The following PTPRS variants were observed in gnomAD, a reference collection of about 807,000 sequenced individuals.
PTPRS encodes the protein protein tyrosine phosphatase receptor type S.
Under a neutral mutation model 215.3 loss-of-function variants are expected in PTPRS, and 63 were observed. The observed-to-expected ratio is 0.29, with a 90% CI of 0.24 to 0.36. The LOEUF (loss-of-function observed/expected upper bound fraction) is 0.36. Among genes scored for constraint, PTPRS ranks in the 10% least tolerant of loss-of-function variants. PTPRS has a pLI of 1.00. For missense variants in PTPRS, 2,258 were observed against 2,825.8 expected (o/e 0.80, Z 4.56); for synonymous variants, 1,404 against 1,191.4 (o/e 1.18, Z -3.68).
intron 17 of PTPRS, among the ~76,000 whole-genome samples, chr19:5,224,169 A>G (rs2042263874): frequency 1.3e-5 from 1 of 78,682 alleles, no homozygotes; most frequent in Non-Finnish European, 2.4e-5. Flanking sequence ...ACAGAGCAAG[A>G]CTCCGTCTTA....
chr19:5,336,218 T>C (rs1360220551), intron 1 of PTPRS, among the ~76,000 whole-genome samples: 1 of 145,508 alleles, frequency 6.9e-6, no homozygotes, highest in East Asian at 2.1e-4. Context: ...GGTTTTTTTT[T>C]TTCTTCCCTT....
intron 13 of PTPRS, among the ~76,000 whole-genome samples, chr19:5,233,932 C>A (rs913682636): frequency 2.2e-5 from 2 of 92,638 alleles, no homozygotes; most frequent in Non-Finnish European, 3.8e-5. Flanking sequence ...GGCAACAGGG[C>A]AAGACTCCAT....
chr19:5,290,549 G>A lies in PTPRS; in HGVS notation c.-94-4315C>T, dbSNP rs993210810. Among the ~76,000 whole-genome samples the A allele has an allele frequency of 4.6e-5, 7 of 152,234 alleles. No homozygotes were observed. In the East Asian group the frequency reaches 7.8e-4, roughly 17 times the overall value. On this transcript the variant is annotated intron_variant, in intron 1 of 37. Transcript: ENST00000262963. ...TAAAGGGGTGATTATGACCCAGGCC[G>A]GGCAGCAAACAGGCTGTGTCACCCG...
intron 17 of PTPRS, among the ~76,000 whole-genome samples, chr19:5,224,927 G>T (rs1252587246): frequency 6.6e-6 from 1 of 152,060 alleles, no homozygotes; most frequent in African/African-American, 2.4e-5. Flanking sequence ...GTGGGTGTGG[G>T]GACTGGGATG....
rs1040229475 is a variant in PTPRS, at chr19:5,219,146, C to G, written c.3923+164G>C. 4 of 946,128 alleles carry G rather than the reference C, an allele frequency of 4.2e-6. No homozygotes were observed. The African/African-American group carries it at 6.6e-5, about 16-fold the overall frequency. 58.6% of individuals were successfully genotyped at this position (946,128 alleles called of 1,614,324 possible). A position where few individuals can be genotyped will look rare whatever the true frequency, so the allele number is the denominator to read the frequency against. The stretch of plus-strand genomic sequence containing the variant: ...GCTTTGAGCCCTAGCTCTGCCATTC[C>G]CATGCTGTGTGACCTTGATCAAGTG... On this transcript the variant is annotated intron_variant, in intron 23 of 37. Transcript: ENST00000262963.
chr19:5,238,849 T>G, intron 13 of PTPRS, 70 bp downstream of exon 13: 4 of 1,473,892 alleles, frequency 2.7e-6, no homozygotes, highest in Non-Finnish European at 3.6e-6. Flanking sequence ...TGGGTCCGTC[T>G]GCCGAGGGGC....
intron 9 of PTPRS, among the ~76,000 whole-genome samples, chr19:5,254,334 C>T (rs1460017829): frequency 6.6e-6 from 1 of 152,056 alleles, no homozygotes; most frequent in Non-Finnish European, 1.5e-5. Flanking sequence ...AAGGTGATTC[C>T]AAAGTCTGGC....
chr19:5,259,591 A>C (rs975954957), intron 7 of PTPRS, among the ~76,000 whole-genome samples: 4 of 152,092 alleles, frequency 2.6e-5, no homozygotes, highest in Admixed American at 2.0e-4. Flanking sequence ...CCTTATTTTC[A>C]TAAGTAAATA....
At chr19:5,337,915 T>C (rs1339314901) in intron 1 of PTPRS, among the ~76,000 whole-genome samples, 1 of 152,082 alleles carries the variant, frequency 6.6e-6, no homozygotes, top group Non-Finnish European at 1.5e-5. Context: ...GATTTTTTTT[T>C]CTCTGCTGGC....
rs961199557 is a variant in PTPRS at position 5,237,775 on chromosome 19, G to A, written c.1849+1144C>T. Among the ~76,000 whole-genome samples the A allele has an allele frequency of 1.9e-4, 29 of 152,166 alleles. No homozygotes were observed. The East Asian group carries it at 2.5e-3, about 13-fold the overall frequency. ...CACTGACTCCACCTCACACAGACGC[G>A]CCCAGACGCCTTGGAGCCGCCAGGT... On this transcript the variant is annotated intron_variant, in intron 13 of 37. Transcript: ENST00000262963. This position sits in a 1 kb window ranked among gnomAD's most constrained non-coding sequence, Gnocchi z 4.2.
chr19:5,213,813 T>C (rs2145113016), intron 30 of PTPRS, among the ~76,000 whole-genome samples: 1 of 152,330 alleles, frequency 6.6e-6, no homozygotes, highest in South Asian at 2.1e-4. Context: ...CTCCCCATCA[T>C]GACAATAACA....
intron 20 of PTPRS, 21 bp downstream of exon 20, chr19:5,220,979 G>A (rs375553304): frequency 6.2e-5 from 98 of 1,584,856 alleles, no homozygotes; most frequent in Middle Eastern, 1.7e-4. Flanking sequence ...CAAGGAACCC[G>A]GAGCATGGGG....
rs2043561973 is a variant in PTPRS at position 5,237,462 on chromosome 19, C to T, written c.1849+1457G>A. On this transcript the variant is annotated intron_variant, in intron 13 of 37. Coordinates refer to ENST00000262963, the MANE Select transcript of PTPRS (RefSeq NM_002850.4). This position sits in a 1 kb window ranked among gnomAD's most constrained non-coding sequence, Gnocchi z 4.2. Reference sequence around the variant, plus strand: ...GCTTTCTAGGTGACCGTGTAGGTCACGTCCTTCACAATCCGGCCCAACCTG... The same window carrying T: ...GCTTTCTAGGTGACCGTGTAGGTCATGTCCTTCACAATCCGGCCCAACCTG... Among the ~76,000 whole-genome samples, 2 of 152,230 alleles carry T rather than the reference C, an allele frequency of 1.3e-5. No individual in the cohort carries two copies. Among genetic ancestry groups the T allele is most frequent in the South Asian group, 2.1e-4 (1 of 4,830 alleles).
intron 9 of PTPRS, among the ~76,000 whole-genome samples, chr19:5,252,958 G>C (rs950116236): frequency 1.2e-4 from 18 of 151,188 alleles, no homozygotes; most frequent in African/African-American, 4.4e-4. Context: ...CCTGGCATCA[G>C]AGGGTGGCAA....
chr19:5,257,522 T>G lies in PTPRS; in HGVS notation c.706+495A>C. 2.2e-6 allele frequency: 1 copy of G among 448,374 alleles called. No individual in the cohort carries two copies. Among genetic ancestry groups the G allele is most frequent in the Admixed American group, 2.4e-5 (1 of 41,644 alleles). 27.8% of individuals were successfully genotyped at this position (448,374 alleles called of 1,614,324 possible). A position where few individuals can be genotyped will look rare whatever the true frequency, so the allele number is the denominator to read the frequency against. On this transcript the variant is annotated intron_variant, in intron 8 of 37. Coordinates refer to ENST00000262963, the MANE Select transcript of PTPRS (RefSeq NM_002850.4). The surrounding 1 kb of genome is among the most constrained non-coding windows in gnomAD (Gnocchi z 4.4). ...CAGCCTCGAAGACCCCTCCTCAACT[T>G]CTAGATTGAGGGCCCTGGATTAGGG...
chr19:5,246,159 G>GA (rs1202806808), intron 9 of PTPRS, 114 bp from the exon 10 acceptor site: 11 of 523,818 alleles, frequency 2.1e-5, no homozygotes, highest in Non-Finnish European at 3.2e-5. Flanking sequence ...AAGGAAGAAA[G>GA]AAAGAAGGAA....
At chr19:5,332,476 A>G (rs989284175) in intron 1 of PTPRS, among the ~76,000 whole-genome samples, 1 of 152,182 alleles carries the variant, frequency 6.6e-6, no homozygotes, top group African/African-American at 2.4e-5. Flanking sequence ...TTTCCTTGGA[A>G]AAACCAACAG....
Position 5,214,356 on chromosome 19 carries a change from C to T in PTPRS, c.4614+5G>A. ...CTCAGCCCCCAGCCCCAGCCTGGGC[C>T]CCACCTTGTGCAGAGAGAATGTCCT... On this transcript the variant is annotated splice_donor_5th_base_variant and intron_variant, in intron 30 of 37. Transcript: ENST00000262963. 1 of 1,613,914 alleles carries T rather than the reference C, an allele frequency of 6.2e-7. No homozygotes were observed. The highest frequency in any genetic ancestry group is 2.2e-5 in the East Asian group (1 of 44,884).
intron 1 of PTPRS, among the ~76,000 whole-genome samples, chr19:5,322,879 CAAAAAAAAAA>C (rs60988670): frequency 4.6e-5 from 3 of 65,934 alleles, no homozygotes; most frequent in South Asian, 7.8e-4. Flanking sequence ...AACTCCGTCT[CAAAAAAAAAA>C]AAAAAAAAAA....
Sources: gnomAD v4.1 joint callset for allele counts (sites outside exome capture counted in the v4.1 genomes callset) on GRCh38, gnomAD v4.1.1 for gene constraint, Gnocchi (gnomAD v3.1) non-coding constraint, MANE v1.5 for transcripts, NCBI Gene and HGNC (gene_info 2026-07-23, HGNC 2026-07-21) for gene names.